The following WDPCP variants were observed in gnomAD, a reference collection of about 807,000 sequenced individuals.
The protein encoded by WDPCP is WD repeat containing planar cell polarity effector.
WDPCP carries 71 observed loss-of-function variants against 93.1 expected under a neutral mutation model. The ratio of observed to expected loss-of-function variants is 0.76; its 90% CI spans 0.63 to 0.93. The LOEUF (loss-of-function observed/expected upper bound fraction) is 0.93, where lower values mean the gene tolerates loss of function less well. WDPCP is among the 40% of genes least tolerant of loss of function. The pLI is 0.00. For synonymous variants in WDPCP, 315 were observed against 315.0 expected (o/e 1.00, Z 0.00); for missense variants, 844 against 887.4 (o/e 0.95, Z 0.62).
chr2:63,720,314 G>C (rs991681255), intron 2 of WDPCP, among the ~76,000 whole-genome samples: 7 of 151,888 alleles, frequency 4.6e-5, no homozygotes, highest in African/African-American at 1.7e-4. Context: ...CTACTCGGGA[G>C]GCTGAGGCAG....
intron 10 of WDPCP, among the ~76,000 whole-genome samples, chr2:63,390,796 T>C (rs1418802219): frequency 1.3e-5 from 2 of 152,100 alleles, no homozygotes; most frequent in African/African-American, 2.4e-5. Context: ...CTAGAAGAAA[T>C]GGATAAATTC....
At chr2:63,820,420 G>A (rs1440882934) in intron 1 of WDPCP, among the ~76,000 whole-genome samples, 1 of 152,150 alleles carries the variant, frequency 6.6e-6, no homozygotes, top group Non-Finnish European at 1.5e-5. Context: ...AACCCAGTTT[G>A]AGACCTAACT....
At chr2:63,594,398 GTA>G (rs1709262129) in intron 3 of WDPCP, 1 of 976,398 alleles carries the variant, frequency 1.0e-6, no homozygotes, top group Admixed American at 1.7e-5. Context: ...CACTTTTAAA[GTA>G]TGTGGATTTC....
chr2:63,800,049 T>C (rs985585268), intron 2 of WDPCP, among the ~76,000 whole-genome samples: 1 of 152,236 alleles, frequency 6.6e-6, no homozygotes, highest in African/African-American at 2.4e-5. Context: ...TCTATATAAC[T>C]AATTGAAAAT....
At chr2:63,441,853 T>G (rs143844737) in intron 6 of WDPCP, 78 of 152,240 alleles carry the variant, frequency 5.1e-4, no homozygotes, top group Middle Eastern at 3.4e-3. Context: ...ATTCATTATA[T>G]GCCAAGCACT....
intron 2 of WDPCP, among the ~76,000 whole-genome samples, chr2:63,746,548 A>G (rs958844443): frequency 2.6e-5 from 4 of 152,146 alleles, no homozygotes; most frequent in African/African-American, 7.2e-5. Context: ...TTCTTTCCCC[A>G]GTAAGGAATA....
chr2:63,754,939 T>C (rs532387389), intron 2 of WDPCP, among the ~76,000 whole-genome samples: 6 of 152,264 alleles, frequency 3.9e-5, no homozygotes, highest in South Asian at 2.1e-4. Context: ...ATCAGATGTG[T>C]TTTGTGGGTA....
intron 2 of WDPCP, among the ~76,000 whole-genome samples, chr2:63,667,060 T>C (rs1710292757): frequency 6.6e-6 from 1 of 152,160 alleles, no homozygotes; most frequent in Non-Finnish European, 1.5e-5. Flanking sequence ...TGGTCCTCTA[T>C]CTTGATTGTA....
intron 3 of WDPCP, among the ~76,000 whole-genome samples, chr2:63,642,134 GTT>G (rs1709987318): frequency 2.0e-5 from 3 of 152,020 alleles, no homozygotes; most frequent in Non-Finnish European, 4.4e-5. Context: ...TGTTCCACTG[GTT>G]TATATGTCTG....
intron 2 of WDPCP, among the ~76,000 whole-genome samples, chr2:63,706,600 CTTTTTTTTTTTTTTT>C (rs896018299): frequency 6.5e-5 from 4 of 61,702 alleles, no homozygotes; most frequent in Non-Finnish European, 1.4e-4. Flanking sequence ...AAATTCTTTT[CTTTTTTTTTTTTTTT>C]TTTTTTTTTT....
rs147477292 is a variant in WDPCP at position 63,616,296 on chromosome 2, T to A, written n.488+34363A>T. On this transcript the variant is annotated intron_variant and non_coding_transcript_variant, in intron 3 of 4. Coordinates refer to the WDPCP transcript ENST00000467687. ...CTTACCTCACAAAGGGAATTATAAATGGAAAAGCCTTGAGCCTGGAAAAAA... is the reference window on the plus strand; with the variant it reads ...CTTACCTCACAAAGGGAATTATAAAAGGAAAAGCCTTGAGCCTGGAAAAAA... Among the ~76,000 whole-genome samples the A allele has an allele frequency of 1.6e-4, 25 of 151,956 alleles. 1 individual carries two copies. The East Asian group carries it at 4.6e-3, about 28-fold the overall frequency.
At chr2:63,566,385 G>A (rs1382975985) in intron 1 of WDPCP, among the ~76,000 whole-genome samples, 2 of 152,210 alleles carry the variant, frequency 1.3e-5, no homozygotes, top group African/African-American at 2.4e-5. Context: ...TAGTCGTCCT[G>A]CCTTTGCTTC....
intron 1 of WDPCP, among the ~76,000 whole-genome samples, chr2:63,576,721 C>A (rs1006352596): frequency 2.7e-4 from 41 of 152,180 alleles, no homozygotes; most frequent in Non-Finnish European, 5.3e-4. Flanking sequence ...ACCAGCCCCC[C>A]AATCCTGAGG....
At chr2:63,375,713 T>A (rs1158646888) in intron 12 of WDPCP, among the ~76,000 whole-genome samples, 1 of 152,034 alleles carries the variant, frequency 6.6e-6, no homozygotes, top group Non-Finnish European at 1.5e-5. Flanking sequence ...ATAAAACATT[T>A]ATTTTAATAA....
Position 63,523,737 on chromosome 2 carries a change from C to T in WDPCP, c.76-30797G>A, listed in dbSNP as rs376084829. On this transcript the variant is annotated intron_variant, in intron 1 of 17. Coordinates refer to ENST00000272321, the MANE Select transcript of WDPCP (RefSeq NM_015910.7). ...GACCAGTTTGGCCAATGTGGCAAAA[C>T]GCCATCTCGAATAAAAATACAAAAT... Among the ~76,000 whole-genome samples, 24 of 152,196 alleles carry T rather than the reference C, an allele frequency of 1.6e-4. 1 individual carries two copies. In the South Asian group the frequency reaches 4.0e-3, roughly 25 times the overall value.
At chr2:63,216,479 T>G (rs1677352518) in intron 14 of WDPCP, among the ~76,000 whole-genome samples, 1 of 152,134 alleles carries the variant, frequency 6.6e-6, no homozygotes, top group African/African-American at 2.4e-5. Flanking sequence ...ACACCGCATG[T>G]GTTCTCACTT....
chr2:63,773,837 G>C (rs1244880893), intron 2 of WDPCP, among the ~76,000 whole-genome samples: 4 of 152,018 alleles, frequency 2.6e-5, no homozygotes, highest in African/African-American at 9.7e-5. Flanking sequence ...TGTTGTTTTA[G>C]TGTTGGAAAC....
intron 13 of WDPCP, among the ~76,000 whole-genome samples, chr2:63,282,989 T>C (rs534818680): frequency 6.6e-6 from 1 of 152,314 alleles, no homozygotes; most frequent in East Asian, 1.9e-4. Context: ...TTGGGAAAAA[T>C]TGAAGTTTTG....
rs192890290 is a variant in WDPCP at position 63,785,029 on chromosome 2, G to A, written n.308+28593C>T. On this transcript the variant is annotated intron_variant and non_coding_transcript_variant, in intron 2 of 4. Coordinates refer to the WDPCP transcript ENST00000467687. ...CTTACGCTATGAGAGTTCAATAAATGACAATTACTGTTAAACAAATGAAAC... is the reference window on the plus strand; with the variant it reads ...CTTACGCTATGAGAGTTCAATAAATAACAATTACTGTTAAACAAATGAAAC... Among the ~76,000 whole-genome samples the A allele has an allele frequency of 4.1e-4, 63 of 152,226 alleles. 1 individual carries two copies. The highest frequency in any genetic ancestry group is 1.4e-3 in the African/African-American group (58 of 41,564).
Sources: allele counts gnomAD v4.1 joint callset (sites outside exome capture counted in the v4.1 genomes callset), GRCh38; gene constraint gnomAD v4.1.1; transcripts MANE v1.5; gene names NCBI Gene and HGNC (gene_info 2026-07-23, HGNC 2026-07-21).